Variants in PIK3R6 observed in about 807,000 individuals in gnomAD.
PIK3R6 encodes phosphoinositide-3-kinase regulatory subunit 6.
PIK3R6 carries 91 observed loss-of-function variants against 84.9 expected under a neutral mutation model. That is an observed-to-expected ratio of 1.07 (90% confidence interval 0.90 to 1.28). The LOEUF (loss-of-function observed/expected upper bound fraction) is 1.28, where lower values mean the gene tolerates loss of function less well. Among genes scored for constraint, PIK3R6 ranks in the 50% most tolerant of loss-of-function variants. The pLI is 0.00. For missense variants in PIK3R6, 996 were observed against 985.1 expected (o/e 1.01, Z -0.15); for synonymous variants, 416 against 411.4 (o/e 1.01, Z -0.13).
chr17:8,850,927 T>C (rs375211967), intron 1 of PIK3R6, among the ~76,000 whole-genome samples: 2 of 152,112 alleles, frequency 1.3e-5, no homozygotes, highest in African/African-American at 2.4e-5. Context: ...AGTGAGGAAA[T>C]AGAGACAGTT....
At chr17:8,823,944 T>C (rs2087833302) in intron 13 of PIK3R6, among the ~76,000 whole-genome samples, 1 of 152,174 alleles carries the variant, frequency 6.6e-6, no homozygotes, top group Non-Finnish European at 1.5e-5. Context: ...ATCTGATGTC[T>C]CTTTCAGCTC....
intron 1 of PIK3R6, among the ~76,000 whole-genome samples, chr17:8,853,515 T>A (rs1029795326): frequency 1.4e-4 from 21 of 147,054 alleles, no homozygotes; most frequent in Admixed American, 1.3e-3. Context: ...ATAATAATAA[T>A]AAAATAATAA....
chr17:8,842,878 G>T lies in PIK3R6; in HGVS notation c.14-3181C>A, dbSNP rs1427392774. Among the ~76,000 whole-genome samples, 7 of 152,194 alleles carry T rather than the reference G, an allele frequency of 4.6e-5. No individual in the cohort carries two copies. In the East Asian group the frequency reaches 1.3e-3, roughly 29 times the overall value. The stretch of plus-strand genomic sequence containing the variant: ...TTCCTTTGGAAGTAAGTAGAATAGA[G>T]ATAACAAATTTAAAAATCAGCAGAT... On this transcript the variant is annotated intron_variant, in intron 2 of 19. Transcript: ENST00000619866. This position sits in a 1 kb window ranked among gnomAD's most constrained non-coding sequence, Gnocchi z 4.5.
chr17:8,841,435 T>C (rs975358681), intron 2 of PIK3R6, among the ~76,000 whole-genome samples: 1 of 152,212 alleles, frequency 6.6e-6, no homozygotes, highest in Non-Finnish European at 1.5e-5. Flanking sequence ...ACCGTCGATG[T>C]ATAAGAATTT....
chr17:8,823,448 A>G lies in PIK3R6; in HGVS notation c.1565T>C (p.Val522Ala). 6.2e-7 allele frequency: 1 copy of G among 1,612,700 alleles called. No homozygotes were observed. The highest frequency in any genetic ancestry group is 8.5e-7 in the Non-Finnish European group (1 of 1,179,090). ...GCCCATGCGGATGTAGTAGGTGATG[A>G]CGTCTAGGATGAAGGGGTCCACAGT... ...SRTVDPFILD[V>A]ITYYIRMGTQ... Residue 522 changes from valine (V) to alanine (A), a missense_variant, in exon 14 of 20, where the codon GTC becomes GCC. Physicochemically the swap from Val to Ala is moderately conservative, Grantham distance 64. Coordinates refer to ENST00000619866, the MANE Select transcript of PIK3R6 (RefSeq NM_001010855.4).
At chr17:8,845,629 A>G (rs998488736) in intron 2 of PIK3R6, among the ~76,000 whole-genome samples, 3 of 152,080 alleles carry the variant, frequency 2.0e-5, no homozygotes, top group African/African-American at 7.2e-5. Flanking sequence ...TACTCTGTTG[A>G]TAATTTATTT....
chr17:8,845,243 C>T lies in PIK3R6; in HGVS notation c.13+4539G>A, dbSNP rs538564328. Among the ~76,000 whole-genome samples the T allele has an allele frequency of 3.3e-5, 5 of 152,262 alleles. No individual in the cohort carries two copies. The South Asian group carries it at 1.0e-3, about 32-fold the overall frequency. ...CTCTGTTTTAAGTTCTTTGTGAAAT[C>T]TCCAAACTGCTTTCCACAGTGGCTG... is the stretch of plus-strand genomic sequence containing the variant. On this transcript the variant is annotated intron_variant, in intron 2 of 19. Coordinates refer to ENST00000619866, the MANE Select transcript of PIK3R6 (RefSeq NM_001010855.4).
chr17:8,814,749 T>C (rs1314127505), intron 18 of PIK3R6, among the ~76,000 whole-genome samples: 3 of 152,072 alleles, frequency 2.0e-5, no homozygotes, highest in Non-Finnish European at 4.4e-5. Context: ...GGGAAGGAAA[T>C]TATTTTAAAG....
intron 18 of PIK3R6, among the ~76,000 whole-genome samples, chr17:8,817,055 T>C (rs1723828159): frequency 6.6e-6 from 1 of 152,254 alleles, no homozygotes. Flanking sequence ...AACCATCATA[T>C]AATAAATACT....
Position 8,828,032 on chromosome 17 carries a change from G to C in PIK3R6, c.1392+80C>G, listed in dbSNP as rs1460802124. The C allele has an allele frequency of 2.1e-6, 3 of 1,417,024 alleles. No individual in the cohort carries two copies. In the African/African-American group the frequency reaches 4.2e-5, roughly 20 times the overall value. 87.8% of individuals were successfully genotyped at this position (1,417,024 alleles called of 1,614,324 possible). ...CTCTAGTCCCTGAGCCGGGGATGTG[G>C]GGGATGCGGGGCTGCAGGTGTGTCC... On this transcript the variant is annotated intron_variant, in intron 12 of 19. Transcript: ENST00000619866.
intron 18 of PIK3R6, among the ~76,000 whole-genome samples, chr17:8,808,292 T>A (rs2087259562): frequency 6.6e-6 from 1 of 152,194 alleles, no homozygotes. Context: ...ATGAGGTAGG[T>A]AATGTTATTA....
chr17:8,814,907 T>C (rs1400508620), intron 18 of PIK3R6, among the ~76,000 whole-genome samples: 1 of 150,750 alleles, frequency 6.6e-6, no homozygotes, highest in Non-Finnish European at 1.5e-5. Flanking sequence ...TTAGTATTTA[T>C]GGCTTCCAAA....
intron 12 of PIK3R6, 83 bp downstream of exon 12, chr17:8,828,029 G>T: frequency 7.1e-7 from 1 of 1,399,990 alleles, no homozygotes. Context: ...AGCCGGGGAT[G>T]TGGGGGATGC....
intron 10 of PIK3R6, among the ~76,000 whole-genome samples, 198 bp from the exon 11 acceptor site, chr17:8,829,188 GACAT>G (rs978266866): frequency 2.5e-4 from 30 of 119,546 alleles, no homozygotes; most frequent in African/African-American, 9.5e-4. Flanking sequence ...GACACAGACA[GACAT>G]ACACACACGT....
chr17:8,817,750 C>T (rs971493834), intron 18 of PIK3R6, among the ~76,000 whole-genome samples: 6 of 152,124 alleles, frequency 3.9e-5, no homozygotes, highest in Admixed American at 1.3e-4. Context: ...GTGACTTTGC[C>T]ACAGCAGGAC....
intron 18 of PIK3R6, among the ~76,000 whole-genome samples, chr17:8,806,002 G>A (rs1011287670): frequency 6.6e-6 from 1 of 152,144 alleles, no homozygotes; most frequent in Non-Finnish European, 1.5e-5. Flanking sequence ...GTTGTGGTCA[G>A]GGGGGCAGGC....
chr17:8,844,556 A>C lies in PIK3R6; in HGVS notation c.14-4859T>G, dbSNP rs1350150376. ...ATCCATTATTATTATCCTCCTCTGC[A>C]TCCAGGAATGTGGGATATTACTAAT... On this transcript the variant is annotated intron_variant, in intron 2 of 19. Coordinates refer to ENST00000619866, the MANE Select transcript of PIK3R6 (RefSeq NM_001010855.4). This position sits in a 1 kb window ranked among gnomAD's most constrained non-coding sequence, Gnocchi z 4.5. Among the ~76,000 whole-genome samples, 1 of 152,178 alleles carries C rather than the reference A, an allele frequency of 6.6e-6. No individual in the cohort carries two copies. Among genetic ancestry groups the C allele is most frequent in the African/African-American group, 2.4e-5 (1 of 41,450 alleles).
chr17:8,816,170 A>T (rs2087532973), intron 18 of PIK3R6, among the ~76,000 whole-genome samples: 1 of 152,248 alleles, frequency 6.6e-6, no homozygotes, highest in Admixed American at 6.5e-5. Flanking sequence ...ATGTAATTAC[A>T]TAAATCAGAT....
At chr17:8,829,214 GAC>G (rs3859231) in intron 10 of PIK3R6, among the ~76,000 whole-genome samples, 44,130 of 150,456 alleles carry the variant, frequency 0.29, 6,642 homozygotes, top group African/African-American at 0.38. Context: ...CACACACACA[GAC>G]ACACACACAG....
Sources: gnomAD v4.1 joint callset for allele counts (sites outside exome capture counted in the v4.1 genomes callset) on GRCh38, gnomAD v4.1.1 for gene constraint, Gnocchi (gnomAD v3.1) non-coding constraint, MANE v1.5 for transcripts, NCBI Gene and HGNC (gene_info 2026-07-23, HGNC 2026-07-21) for gene names.